RALGAPA1: variants seen among roughly 807,000 people sequenced by gnomAD.
RALGAPA1 encodes Ral GTPase activating protein catalytic subunit alpha 1, also known as ral GTPase-activating protein subunit alpha-1.
In RALGAPA1, 52 loss-of-function variants were observed where a neutral mutation model predicts 269.6. The ratio of observed to expected loss-of-function variants is 0.19; its 90% CI spans 0.15 to 0.24. RALGAPA1 has a LOEUF of 0.24. RALGAPA1 is among the 10% of genes least tolerant of loss of function. The probability of loss-of-function intolerance (pLI) is 1.00; values close to 1 mark genes in which losing one functional copy is unlikely to be tolerated. For synonymous variants in RALGAPA1, 817 were observed against 1,008.3 expected, an observed-to-expected ratio of 0.81 and a Z score of 3.60; for missense variants, 1,917 against 3,013.9, an observed-to-expected ratio of 0.64 and a Z score of 8.52.
intron 30 of RALGAPA1, among the ~76,000 whole-genome samples, 180 bp downstream of exon 30, chr14:35,654,187 C>T (rs1004130180): frequency 6.6e-6 from 1 of 152,150 alleles, no homozygotes; most frequent in African/African-American, 2.4e-5. Flanking sequence ...GGAATGCAAT[C>T]TTCTAACATA....
At chr14:35,791,193 G>T (rs1166154433) in intron 1 of RALGAPA1, among the ~76,000 whole-genome samples, 1 of 152,194 alleles carries the variant, frequency 6.6e-6, no homozygotes, top group African/African-American at 2.4e-5. Flanking sequence ...TAGGAAGGCT[G>T]ACTTCTTCAG....
chr14:35,730,308 G>C (rs1198257001), intron 12 of RALGAPA1, among the ~76,000 whole-genome samples: 1 of 152,172 alleles, frequency 6.6e-6, no homozygotes, highest in Admixed American at 6.5e-5. Context: ...GGCCAGAGGC[G>C]TGTGGAAAAT....
At chr14:35,777,615 T>C (rs148793794) in intron 1 of RALGAPA1, among the ~76,000 whole-genome samples, 1 of 152,332 alleles carries the variant, frequency 6.6e-6, no homozygotes, top group Admixed American at 6.5e-5. Flanking sequence ...CAGGCTGTAG[T>C]GTAGTGGTAC....
intron 39 of RALGAPA1, among the ~76,000 whole-genome samples, chr14:35,569,509 G>C (rs2056992994): frequency 6.6e-6 from 1 of 152,098 alleles, no homozygotes; most frequent in Non-Finnish European, 1.5e-5. Context: ...AGAAAACTCA[G>C]GCTCAAAAAG....
chr14:35,651,731 T>C, intron 31 of RALGAPA1, 74 bp downstream of exon 31: 4 of 1,351,190 alleles, frequency 3.0e-6, no homozygotes, highest in Non-Finnish European at 4.0e-6. Context: ...TAAATATACA[T>C]ACCTTTAAAG....
chr14:35,633,555 G>A (rs982401476), intron 33 of RALGAPA1, among the ~76,000 whole-genome samples: 2 of 152,218 alleles, frequency 1.3e-5, no homozygotes, highest in Middle Eastern at 6.8e-3. Context: ...GGTTTTGTGA[G>A]CCACGCAATC....
At chr14:35,628,602 G>A (rs2061136565) in intron 33 of RALGAPA1, among the ~76,000 whole-genome samples, 1 of 152,120 alleles carries the variant, frequency 6.6e-6, no homozygotes, top group Non-Finnish European at 1.5e-5. Context: ...TTTAAATCTG[G>A]CTTTTACAGA....
At chr14:35,690,830 G>A (rs1291229015) in intron 17 of RALGAPA1, among the ~76,000 whole-genome samples, 1 of 152,076 alleles carries the variant, frequency 6.6e-6, no homozygotes, top group African/African-American at 2.4e-5. Flanking sequence ...AGCACTCTGG[G>A]AGGCTGAGGT....
intron 12 of RALGAPA1, among the ~76,000 whole-genome samples, chr14:35,733,481 A>C (rs910247218): frequency 2.0e-5 from 3 of 152,162 alleles, no homozygotes; most frequent in African/African-American, 7.2e-5. Flanking sequence ...CTGTCTCAAA[A>C]ACAAACAAAT....
intron 31 of RALGAPA1, among the ~76,000 whole-genome samples, chr14:35,650,939 C>T (rs761310976): frequency 7.0e-5 from 10 of 142,100 alleles, no homozygotes; most frequent in East Asian, 2.0e-4. Context: ...TATTTGCAAA[C>T]GAGGAATTAC....
rs1555381640 is a variant in RALGAPA1 at position 35,629,282 on chromosome 14, G to GT, written c.5996-1332_5996-1331insA. Among the ~76,000 whole-genome samples the GT allele has an allele frequency of 1.8e-3, 256 of 145,384 alleles. 1 individual carries two copies. The highest frequency in any genetic ancestry group is 7.0e-3 in the Middle Eastern group (2 of 284). On this transcript the variant is annotated intron_variant, in intron 33 of 41. Transcript: ENST00000680220. ...GTCATTCATGTTAGGATGTTTAGGGGGTGTGTGTGTGTGTGTGTGTGTGTG... is the reference window on the plus strand; with the variant it reads ...GTCATTCATGTTAGGATGTTTAGGGGTGTGTGTGTGTGTGTGTGTGTGTGTG...
chr14:35,724,254 T>C (rs909802425), intron 14 of RALGAPA1, among the ~76,000 whole-genome samples: 8 of 152,120 alleles, frequency 5.3e-5, no homozygotes, highest in Non-Finnish European at 1.0e-4. Flanking sequence ...TAGCTGGTTT[T>C]AAAGGACTGT....
chr14:35,641,605 C>A (rs1279116416), intron 31 of RALGAPA1, among the ~76,000 whole-genome samples: 2 of 152,050 alleles, frequency 1.3e-5, no homozygotes, highest in Admixed American at 1.3e-4. Flanking sequence ...AGACACGAAA[C>A]AATGGAAAGC....
chr14:35,542,539 C>T (rs1405647866), intron 41 of RALGAPA1: 1 of 152,268 alleles, frequency 6.6e-6, no homozygotes, highest in Non-Finnish European at 1.5e-5. Flanking sequence ...TAGCAAATTA[C>T]ATTTGTGGTA....
At chr14:35,625,493 G>A (rs538008773) in intron 34 of RALGAPA1, 61 bp from the exon 35 acceptor site, 103 of 1,239,456 alleles carry the variant, frequency 8.3e-5, no homozygotes, top group African/African-American at 5.5e-4. Context: ...AGACAGTCCC[G>A]GAAATACTTT....
chr14:35,558,237 GCTGA>G (rs1405040523), intron 39 of RALGAPA1, among the ~76,000 whole-genome samples: 1 of 152,080 alleles, frequency 6.6e-6, no homozygotes, highest in African/African-American at 2.4e-5. Flanking sequence ...CTTAAGATGT[GCTGA>G]CTAATTTATC....
Position 35,689,629 on chromosome 14 carries a change from T to A in RALGAPA1, c.2782A>T (p.Ile928Phe). ...VELADSAFEQ[I>F]QYIDLEGDDD... is the part of the protein sequence containing the mutation. ...TCTCCTTCAAGGTCAATGTACTGGA[T>A]TTGTTCAAAAGCTGAATCTGCAAGT... Residue 928 changes from isoleucine (I) to phenylalanine (F), a missense_variant, in exon 18 of 42, where the codon ATC becomes TTC. Physicochemically the swap from Ile to Phe is conservative, Grantham distance 21. Coordinates refer to ENST00000680220, the MANE Select transcript of RALGAPA1 (RefSeq NM_001346249.2). The A allele has an allele frequency of 7.9e-7, 1 of 1,265,606 alleles. No homozygotes were observed. 78.4% of individuals were successfully genotyped at this position (1,265,606 alleles called of 1,614,324 possible).
chr14:35,777,899 G>A (rs186836216), intron 1 of RALGAPA1, among the ~76,000 whole-genome samples: 51 of 152,142 alleles, frequency 3.4e-4, no homozygotes, highest in African/African-American at 1.2e-3. Context: ...TTTTTGAAAG[G>A]AAACAAAGAA....
chr14:35,710,975 C>A (rs1372343881), intron 16 of RALGAPA1, among the ~76,000 whole-genome samples: 1 of 152,224 alleles, frequency 6.6e-6, no homozygotes, highest in Non-Finnish European at 1.5e-5. Flanking sequence ...CTGAAGAAAT[C>A]TCCTACTGAT....
Sources: gnomAD v4.1 joint callset for allele counts (sites outside exome capture counted in the v4.1 genomes callset) on GRCh38, gnomAD v4.1.1 for gene constraint, MANE v1.5 for transcripts, NCBI Gene and HGNC (gene_info 2026-07-23, HGNC 2026-07-21) for gene names.